The following RNF150 variants were observed in gnomAD, a reference collection of about 807,000 sequenced individuals.
RNF150 encodes ring finger protein 150.
RNF150 carries 24 observed loss-of-function variants against 39.3 expected under a neutral mutation model. That is an observed-to-expected ratio of 0.61 (90% confidence interval 0.44 to 0.86). The LOEUF is 0.86. RNF150 is among the 40% of genes least tolerant of loss of function. The pLI is 0.00. For synonymous variants in RNF150, 255 were observed against 227.3 expected (o/e 1.12, Z -1.10); for missense variants, 502 against 587.8 (o/e 0.85, Z 1.51).
chr4:141,030,189 G>A (rs1167108808), intron 1 of RNF150, among the ~76,000 whole-genome samples: 6 of 148,376 alleles, frequency 4.0e-5, no homozygotes, highest in East Asian at 2.0e-4. Context: ...GTGAGACTCC[G>A]TCTAAAAAAA....
chr4:141,138,925 G>A (rs1727070894), intron 1 of RNF150, among the ~76,000 whole-genome samples: 2 of 152,252 alleles, frequency 1.3e-5, no homozygotes, highest in South Asian at 4.2e-4. Flanking sequence ...AGTCAATTTA[G>A]GCTGGGTGTG....
chr4:141,144,335 A>C (rs189071491), intron 1 of RNF150, among the ~76,000 whole-genome samples: 1 of 152,334 alleles, frequency 6.6e-6, no homozygotes, highest in East Asian at 1.9e-4. Flanking sequence ...TATCAGACTA[A>C]GCTTTCCAAT....
At chr4:140,871,370 TA>T (rs1343700058) in intron 6 of RNF150, among the ~76,000 whole-genome samples, 1 of 149,768 alleles carries the variant, frequency 6.7e-6, no homozygotes, top group African/African-American at 2.4e-5. Flanking sequence ...TTTTTCTTAA[TA>T]AAAAATGCCT....
intron 1 of RNF150, among the ~76,000 whole-genome samples, chr4:141,011,426 C>G (rs73849456): frequency 0.076 from 11,540 of 152,176 alleles, 492 homozygotes; most frequent in Middle Eastern, 0.16. Context: ...CTAACTTTAC[C>G]TTAGAAACAC....
At chr4:140,895,401 T>C (rs1307484110) in intron 6 of RNF150, among the ~76,000 whole-genome samples, 3 of 152,196 alleles carry the variant, frequency 2.0e-5, no homozygotes, top group African/African-American at 7.2e-5. Flanking sequence ...CCCCACAATA[T>C]GCCTTGGAAG....
At chr4:140,946,190 A>T (rs1266306820) in intron 4 of RNF150, among the ~76,000 whole-genome samples, 2 of 152,312 alleles carry the variant, frequency 1.3e-5, no homozygotes, top group East Asian at 1.9e-4. Context: ...GGCCACCAGG[A>T]TGTACTTCCC....
intron 1 of RNF150, among the ~76,000 whole-genome samples, chr4:141,197,730 T>A (rs1040143176): frequency 1.3e-5 from 2 of 151,790 alleles, no homozygotes; most frequent in Non-Finnish European, 2.9e-5. Context: ...TACAAAAAAT[T>A]AGCCATGTAT....
chr4:141,028,709 G>T (rs1238358057), intron 1 of RNF150, among the ~76,000 whole-genome samples: 1 of 152,148 alleles, frequency 6.6e-6, no homozygotes, highest in Admixed American at 6.5e-5. Flanking sequence ...CTGAATGTTA[G>T]TGCTGATGCT....
At chr4:141,034,106 T>C (rs1736054407) in intron 1 of RNF150, among the ~76,000 whole-genome samples, 1 of 152,234 alleles carries the variant, frequency 6.6e-6, no homozygotes, top group Admixed American at 6.5e-5. Context: ...TAAGGGTGTT[T>C]CATCTGCATT....
At chr4:140,935,987 C>T (rs1328240564) in intron 4 of RNF150, among the ~76,000 whole-genome samples, 1 of 152,116 alleles carries the variant, frequency 6.6e-6, no homozygotes, top group Non-Finnish European at 1.5e-5. Flanking sequence ...ACATCTGTCA[C>T]CATATATTAG....
At chr4:141,116,653 G>A (rs2111075135) in intron 1 of RNF150, among the ~76,000 whole-genome samples, 1 of 152,210 alleles carries the variant, frequency 6.6e-6, no homozygotes, top group East Asian at 1.9e-4. Context: ...TATACCCAAA[G>A]GATTATAAAT....
intron 1 of RNF150, among the ~76,000 whole-genome samples, chr4:141,014,223 T>C (rs190787561): frequency 6.6e-6 from 1 of 152,358 alleles, no homozygotes. Context: ...TGCAATATTT[T>C]CTTTATCCAT....
intron 1 of RNF150, among the ~76,000 whole-genome samples, chr4:141,201,495 G>A (rs1728289039): frequency 6.6e-6 from 1 of 151,766 alleles, no homozygotes; most frequent in Non-Finnish European, 1.5e-5. Flanking sequence ...ATTTTTATTG[G>A]TGTGTCTTCC....
chr4:141,168,531 C>T (rs183263237), intron 1 of RNF150, among the ~76,000 whole-genome samples: 6 of 152,294 alleles, frequency 3.9e-5, no homozygotes, highest in African/African-American at 1.4e-4. Context: ...ATAGCAAAGA[C>T]TCGGAACCAA....
At chr4:140,899,974 C>CTCTGTGTG (rs1365683071) in intron 6 of RNF150, among the ~76,000 whole-genome samples, 5 of 69,220 alleles carry the variant, frequency 7.2e-5, no homozygotes, top group African/African-American at 2.2e-4. Context: ...CTCTCTCTCT[C>CTCTGTGTG]TGTGTGTGTG....
chr4:140,967,907 G>A (rs772444617), intron 1 of RNF150, 34 bp from the exon 2 acceptor site: 1 of 1,602,530 alleles, frequency 6.2e-7, no homozygotes. Context: ...GGCAATAAAG[G>A]TTAGGGGATA....
chr4:141,163,962 T>C (rs1357948956), intron 1 of RNF150, among the ~76,000 whole-genome samples: 1 of 152,006 alleles, frequency 6.6e-6, no homozygotes, highest in Admixed American at 6.6e-5. Flanking sequence ...GTTTGACGAA[T>C]TGACAGCAGT....
At chr4:140,992,263 G>A (rs1387971036) in intron 1 of RNF150, among the ~76,000 whole-genome samples, 1 of 152,116 alleles carries the variant, frequency 6.6e-6, no homozygotes, top group African/African-American at 2.4e-5. Context: ...CCAGCACTTT[G>A]GGAGGCTGAG....
At chr4:141,037,859 A>G (rs1013798291) in intron 1 of RNF150, among the ~76,000 whole-genome samples, 3 of 152,214 alleles carry the variant, frequency 2.0e-5, no homozygotes, top group Non-Finnish European at 4.4e-5. Context: ...TACAGACTTA[A>G]CCATGGTCAT....
Sources: gnomAD v4.1 joint callset for allele counts (sites outside exome capture counted in the v4.1 genomes callset) on GRCh38, gnomAD v4.1.1 for gene constraint, MANE v1.5 for transcripts, NCBI Gene and HGNC (gene_info 2026-07-23, HGNC 2026-07-21) for gene names.